Variants in ESPNL observed in about 807,000 individuals in gnomAD.
The protein encoded by ESPNL is espin-like protein.
Under a neutral mutation model 46.8 loss-of-function variants are expected in ESPNL, and 49 were observed. The observed-to-expected ratio is 1.05, with a 90% CI of 0.83 to 1.33. ESPNL has a LOEUF of 1.33. Ranked by LOEUF, ESPNL falls within the 40% of genes most tolerant of loss-of-function variation. The pLI is 0.00. For missense variants in ESPNL, 1,540 were observed against 1,436.6 expected, an observed-to-expected ratio of 1.07 and a Z score of -1.16; for synonymous variants, 664 against 662.1, an observed-to-expected ratio of 1.00 and a Z score of -0.04.
rs373066514 is a variant in ESPNL, at chr2:238,130,340, C to T, written c.1626C>T (p.Pro542=). Residue 542 remains proline, a synonymous_variant, in exon 9 of 9, where the codon CCC becomes CCT. Coordinates refer to ENST00000343063, the MANE Select transcript of ESPNL (RefSeq NM_194312.4). ...CGGCTGAGCTGCAGGCCCTGCTGCC[C>T]GAGCCCCTGGTCAGCATCACGGTCA... The part of the protein sequence containing the change: ...RLAAELQALL[P]EPLVSITVNS... 2.6e-5 allele frequency: 41 copies of T among 1,607,784 alleles called. No homozygotes were observed. Among genetic ancestry groups the T allele is most frequent in the Admixed American group, 5.1e-5 (3 of 59,382 alleles).
chr2:238,106,038 C>T (rs1310775822), intron 3 of ESPNL, among the ~76,000 whole-genome samples: 1 of 152,202 alleles, frequency 6.6e-6, no homozygotes, highest in Non-Finnish European at 1.5e-5. Flanking sequence ...GCCGCCTGCC[C>T]CGACCATCCT....
intron 2 of ESPNL, 119 bp downstream of exon 2, chr2:238,102,250 G>A: frequency 1.1e-6 from 1 of 894,608 alleles, no homozygotes; most frequent in South Asian, 1.8e-5. Context: ...CCTGCAGGCG[G>A]GCATGCTGTC....
At chr2:238,127,873 C>T in intron 7 of ESPNL, 139 bp downstream of exon 7, 1 of 641,908 alleles carries the variant, frequency 1.6e-6, no homozygotes, top group Non-Finnish European at 2.7e-6. Flanking sequence ...TGCGTCACTC[C>T]GCTGCTCTCG....
At chr2:238,104,602 G>T (rs1395870703) in intron 2 of ESPNL, 54 bp from the exon 3 acceptor site, 1 of 1,482,596 alleles carries the variant, frequency 6.7e-7, no homozygotes, top group African/African-American at 1.4e-5. Context: ...GCAGCCGAGG[G>T]ATGGGCTCAG....
Position 238,104,670 on chromosome 2 carries a change from G to A in ESPNL, c.500G>A (p.Arg167Gln), listed in dbSNP as rs34046909. Reference protein sequence around the residue: ...TAAHGSSVNRRTRSGASPLYL... With the variant: ...TAAHGSSVNRQTRSGASPLYL... ...CTTCCCTGCAGCAGCGTGAACCGGC[G>A]GACACGCAGTGGCGCCTCCCCACTC... The change falls in exon 3 of 9, where the codon CGG (arginine) becomes CAG (glutamine). Residue 167 changes from arginine (R) to glutamine (Q), a missense_variant. By Grantham distance (43) the Arg-to-Gln change is conservative. Coordinates refer to ENST00000343063, the MANE Select transcript of ESPNL (RefSeq NM_194312.4). 4.1e-3 allele frequency: 6,584 copies of A among 1,595,570 alleles called. 243 individuals carry two copies. The African/African-American group carries it at 0.079, about 19-fold the overall frequency.
At chr2:238,120,009 G>A (rs1335647655) in intron 5 of ESPNL, among the ~76,000 whole-genome samples, 4 of 152,196 alleles carry the variant, frequency 2.6e-5, no homozygotes, top group Admixed American at 1.3e-4. Flanking sequence ...CGGGGAGCAC[G>A]GCTCTGCCCT....
chr2:238,125,335 C>T lies in ESPNL; in HGVS notation c.1053C>T (p.Arg351=). ...FPPPPLLATR[R]SLEDGRRGGP... The stretch of plus-strand genomic sequence containing the variant: ...CACCTCCACTGTTGGCCACGAGGCG[C>T]TCCCTGGAGGATGGAAGAAGAGGAG... Residue 351 remains arginine, a synonymous_variant, in exon 6 of 9, where the codon CGC becomes CGT. Coordinates refer to ENST00000343063, the MANE Select transcript of ESPNL (RefSeq NM_194312.4). 1 of 1,575,340 alleles carries T rather than the reference C, an allele frequency of 6.3e-7. No individual in the cohort carries two copies. Among genetic ancestry groups the T allele is most frequent in the Non-Finnish European group, 8.6e-7 (1 of 1,160,844 alleles).
chr2:238,109,924 T>TA (rs1691681310), intron 4 of ESPNL, among the ~76,000 whole-genome samples: 1 of 150,048 alleles, frequency 6.7e-6, no homozygotes, highest in East Asian at 2.0e-4. Flanking sequence ...TGCCACACGT[T>TA]ACCGAGGGTC....
At chr2:238,125,420 TG>T in intron 6 of ESPNL, 36 bp downstream of exon 6, 4 of 1,301,168 alleles carry the variant, frequency 3.1e-6, no homozygotes, top group Non-Finnish European at 4.1e-6. Flanking sequence ...ACCCAGGGCA[TG>T]GGCCTGGGAG....
chr2:238,129,605 G>C (rs187364952), intron 8 of ESPNL, among the ~76,000 whole-genome samples: 12 of 152,216 alleles, frequency 7.9e-5, no homozygotes, highest in Non-Finnish European at 1.5e-5. Flanking sequence ...CAGGCTCCCC[G>C]GGCTGCTGTG....
chr2:238,123,198 A>G (rs1300721820), intron 5 of ESPNL, among the ~76,000 whole-genome samples: 2 of 152,142 alleles, frequency 1.3e-5, no homozygotes, highest in Non-Finnish European at 1.5e-5. Context: ...CTCCCTGCAC[A>G]CACAGCCCTG....
At chr2:238,123,687 TC>T (rs1208967402) in intron 5 of ESPNL, among the ~76,000 whole-genome samples, 1 of 152,142 alleles carries the variant, frequency 6.6e-6, no homozygotes, top group Non-Finnish European at 1.5e-5. Flanking sequence ...GCCCCCGGTG[TC>T]CCAGGACAGC....
chr2:238,101,586 G>T (rs1691479788), intron 1 of ESPNL, among the ~76,000 whole-genome samples: 1 of 152,202 alleles, frequency 6.6e-6, no homozygotes, highest in African/African-American at 2.4e-5. Flanking sequence ...ACCAGCCAGA[G>T]GTAGGTGTCC....
chr2:238,127,017 T>C (rs904716560), intron 6 of ESPNL, among the ~76,000 whole-genome samples: 10 of 149,902 alleles, frequency 6.7e-5, no homozygotes, highest in South Asian at 2.1e-4. Flanking sequence ...CTGTGTGTGA[T>C]TGTGTTTGTG....
chr2:238,123,081 C>T (rs1692023106), intron 5 of ESPNL, among the ~76,000 whole-genome samples: 1 of 152,198 alleles, frequency 6.6e-6, no homozygotes, highest in African/African-American at 2.4e-5. Flanking sequence ...GAGTTGGGTC[C>T]CGATGGCAGC....
At chr2:238,129,955 C>T (rs942861199) in intron 8 of ESPNL, among the ~76,000 whole-genome samples, 173 bp from the exon 9 acceptor site, 20 of 152,236 alleles carry the variant, frequency 1.3e-4, no homozygotes, top group African/African-American at 1.7e-4. Flanking sequence ...CAGAGCAAGA[C>T]GGGCAGAGCA....
intron 2 of ESPNL, among the ~76,000 whole-genome samples, chr2:238,103,435 AAGAAG>A (rs199823258): frequency 0.12 from 13,198 of 111,172 alleles, 742 homozygotes; most frequent in East Asian, 0.3. Flanking sequence ...TCTCAAAAAA[AAGAAG>A]AAAACCAGGA....
chr2:238,131,428 CCGACGAGGTGG>C lies in ESPNL; in HGVS notation c.2716_2726del (p.Asp906ArgfsTer53). 1 of 1,608,908 alleles carries C rather than the reference CCGACGAGGTGG, an allele frequency of 6.2e-7. No homozygotes were observed. The highest frequency in any genetic ancestry group is 8.5e-7 in the Non-Finnish European group (1 of 1,178,060). ...GTGCGCGCCTTCCACAAGGCCGTGACCGACGAGGTGGCCGCCGGCCGCCGGGCCTGGACCGA... is the reference window on the plus strand; with the variant it reads ...GTGCGCGCCTTCCACAAGGCCGTGACCCGCCGGCCGCCGGGCCTGGACCGA... On this transcript the variant is annotated frameshift_variant, in exon 9 of 9. Transcript: ENST00000343063. LOFTEE classifies it low-confidence loss of function (END_TRUNC).
chr2:238,105,528 A>G (rs1691577527), intron 3 of ESPNL, among the ~76,000 whole-genome samples: 1 of 151,782 alleles, frequency 6.6e-6, no homozygotes, highest in Non-Finnish European at 1.5e-5. Flanking sequence ...AAAAAAAAAA[A>G]AAAAGAGTAG....
Sources: allele counts gnomAD v4.1 joint callset (sites outside exome capture counted in the v4.1 genomes callset), GRCh38; gene constraint gnomAD v4.1.1; transcripts MANE v1.5; gene names NCBI Gene and HGNC (gene_info 2026-07-23, HGNC 2026-07-21).